Variants in MDN1 observed in about 807,000 individuals in gnomAD.
The protein encoded by MDN1 is midasin.
MDN1 carries 266 observed loss-of-function variants against 669.2 expected under a neutral mutation model. That is an observed-to-expected ratio of 0.40 (90% CI 0.36 to 0.44). MDN1 has a LOEUF of 0.44. Among genes scored for constraint, MDN1 ranks in the 20% least tolerant of loss-of-function variants. MDN1 has a pLI of 1.00. For synonymous variants in MDN1, 2,385 were observed against 2,457.1 expected (o/e 0.97, Z 0.87); for missense variants, 5,940 against 6,754.0 (o/e 0.88, Z 4.22).
At chr6:89,673,179 T>C in intron 80 of MDN1, 57 bp downstream of exon 80, 1 of 1,406,468 alleles carries the variant, frequency 7.1e-7, no homozygotes, top group Non-Finnish European at 1.0e-6. Context: ...GACTTACATC[T>C]ATAAGACATC....
At chr6:89,784,770 A>T (rs1488949214) in intron 9 of MDN1, among the ~76,000 whole-genome samples, 1 of 152,222 alleles carries the variant, frequency 6.6e-6, no homozygotes, top group African/African-American at 2.4e-5. Flanking sequence ...TATTGTGTAT[A>T]ATAATGTTAT....
chr6:89,745,158 AAGAGGAAGGAGG>A, intron 29 of MDN1, 103 bp downstream of exon 29: 3 of 1,176,930 alleles, frequency 2.5e-6, no homozygotes, highest in Admixed American at 2.9e-5. Flanking sequence ...AAAAAGAAAA[AAGAGGAAGGAGG>A]AAAGAAGGGG....
chr6:89,723,180 G>A lies in MDN1; in HGVS notation c.5779-37C>T, dbSNP rs766565488. On this transcript the variant is annotated intron_variant, in intron 39 of 101. Coordinates refer to ENST00000369393, the MANE Select transcript of MDN1 (RefSeq NM_014611.3). ...ACATCCTGATTGGGAAACATGCCCT[G>A]CTTACTACTAGGCACTGCATTAAGT... 1.7e-5 allele frequency: 27 copies of A among 1,588,034 alleles called. No individual in the cohort carries two copies. The South Asian group carries it at 2.3e-4, about 14-fold the overall frequency.
At chr6:89,799,870 G>C (rs928663303) in intron 2 of MDN1, among the ~76,000 whole-genome samples, 2 of 152,058 alleles carry the variant, frequency 1.3e-5, no homozygotes, top group Non-Finnish European at 2.9e-5. Flanking sequence ...TGTAATTTCC[G>C]ATGCAGTAAG....
intron 50 of MDN1, among the ~76,000 whole-genome samples, chr6:89,709,045 TAAGAAAACA>T (rs1813708904): frequency 2.0e-5 from 3 of 151,886 alleles, no homozygotes; most frequent in Middle Eastern, 6.8e-3. Flanking sequence ...CTGTTTTCAT[TAAGAAAACA>T]ATGCAGTTTT....
intron 33 of MDN1, among the ~76,000 whole-genome samples, chr6:89,738,109 T>C (rs755316350): frequency 4.6e-5 from 7 of 152,224 alleles, no homozygotes; most frequent in African/African-American, 9.6e-5. Context: ...AGCCATTGTG[T>C]CAAGTGGTAA....
chr6:89,673,402 C>A lies in MDN1; in HGVS notation c.13308G>T (p.Leu4436Phe), dbSNP rs1810965548. The change falls in exon 80 of 102, where the codon TTG becomes TTT. Residue 4436 changes from leucine (L) to phenylalanine (F), a missense_variant. Physicochemically the swap from Leu to Phe is conservative, Grantham distance 22 (BLOSUM62 0). Around this residue, in one of 5 missense-constraint regions of MDN1, gnomAD observed 2,280 missense variants for 2,576.3 expected, o/e 0.88. Coordinates refer to ENST00000369393, the MANE Select transcript of MDN1 (RefSeq NM_014611.3). Reference sequence around the variant, plus strand: ...GAATGAACAAGGACTCTAGGCCCTGCAAATGAACTGACACCTGGGACAAGC... The same window carrying A: ...GAATGAACAAGGACTCTAGGCCCTGAAAATGAACTGACACCTGGGACAAGC... ...LSCLSQVSVH[L>F]QGLESLFILP... 6.2e-7 allele frequency: 1 copy of A among 1,614,140 alleles called. No homozygotes were observed. Among genetic ancestry groups the A allele is most frequent in the African/African-American group, 1.3e-5 (1 of 75,020 alleles).
rs1398253442 is a variant in MDN1 at position 89,690,676 on chromosome 6, T to C, written c.10746A>G (p.Glu3582=). ...CACCCTGCCATCACTGCTCTACCTT[T>C]TCATGCAGGGGGAACTGTTTTCTGA... ...REFRKQFPLH[E]KDFADILVQP... Residue 3582 remains glutamate, a synonymous_variant, in exon 64 of 102, where the codon GAA becomes GAG. Coordinates refer to ENST00000369393, the MANE Select transcript of MDN1 (RefSeq NM_014611.3). 6.2e-7 allele frequency: 1 copy of C among 1,613,924 alleles called. No homozygotes were observed. The highest frequency in any genetic ancestry group is 1.3e-5 in the African/African-American group (1 of 74,914).
intron 8 of MDN1, among the ~76,000 whole-genome samples, chr6:89,787,589 T>G (rs1819033290): frequency 1.3e-5 from 2 of 151,956 alleles, no homozygotes; most frequent in African/African-American, 2.4e-5. Flanking sequence ...AACAATAACC[T>G]CACCTCTGAT....
rs755434875 is a variant in MDN1, at chr6:89,700,322, G to A, written c.8639-28C>T. On this transcript the variant is annotated intron_variant, in intron 56 of 101. Transcript: ENST00000369393. ...GGACAAAAAGACAAATGTTGTATGA[G>A]AGCACAATGGTTAAGAGTATAGCCT... The A allele has an allele frequency of 5.2e-6, 8 of 1,547,522 alleles. No homozygotes were observed. The Admixed American group carries it at 8.3e-5, about 16-fold the overall frequency.
intron 83 of MDN1, among the ~76,000 whole-genome samples, chr6:89,670,171 T>TATATATA (rs1491299915): frequency 6.2e-4 from 8 of 12,990 alleles, no homozygotes; most frequent in African/African-American, 1.6e-3. Flanking sequence ...TATATATATA[T>TATATATA]TTTTTTTTTT....
At chr6:89,746,488 A>G (rs1009511511) in intron 27 of MDN1, among the ~76,000 whole-genome samples, 9 of 151,846 alleles carry the variant, frequency 5.9e-5, no homozygotes, top group Admixed American at 2.0e-4. Context: ...AGGCTGAGGC[A>G]GGAGAACTGC....
rs200028527 is a variant in MDN1 at position 89,794,821 on chromosome 6, A to G, written c.330-20T>C. The G allele has an allele frequency of 5.6e-6, 9 of 1,596,334 alleles. No homozygotes were observed. The Admixed American group carries it at 1.2e-4, about 21-fold the overall frequency. On this transcript the variant is annotated intron_variant, in intron 2 of 101. Transcript: ENST00000369393. Reference sequence around the variant, plus strand: ...GCAAACCTTCAAACACAAAGAATACAGACATCCCCAACTTAACAATGGTTG... The same window carrying G: ...GCAAACCTTCAAACACAAAGAATACGGACATCCCCAACTTAACAATGGTTG...
At chr6:89,804,560 T>C (rs1767888010) in intron 1 of MDN1, among the ~76,000 whole-genome samples, 1 of 152,042 alleles carries the variant, frequency 6.6e-6, no homozygotes, top group African/African-American at 2.4e-5. Flanking sequence ...AAAAATGAAT[T>C]CTGCAGTTAG....
At chr6:89,688,292 G>GA (rs373392537) in intron 66 of MDN1, 119 bp from the exon 67 acceptor site, 28,933 of 726,230 alleles carry the variant, frequency 0.04, 48 homozygotes, top group East Asian at 0.073. Flanking sequence ...AAACACCTCT[G>GA]AAAAAAAAAA....
intron 69 of MDN1, among the ~76,000 whole-genome samples, chr6:89,686,638 G>A (rs141562302): frequency 2.3e-4 from 35 of 152,312 alleles, no homozygotes; most frequent in Non-Finnish European, 4.1e-4. Flanking sequence ...AGAGAAGACG[G>A]AAACCTTATC....
chr6:89,644,721 T>C (rs142318011), intron 101 of MDN1, among the ~76,000 whole-genome samples: 1 of 152,360 alleles, frequency 6.6e-6, no homozygotes, highest in East Asian at 1.9e-4. Flanking sequence ...AGGGAAATGA[T>C]GACCCACAGA....
chr6:89,705,779 G>C (rs1405509654), intron 53 of MDN1, among the ~76,000 whole-genome samples: 1 of 152,136 alleles, frequency 6.6e-6, no homozygotes, highest in African/African-American at 2.4e-5. Flanking sequence ...AACCTTTGGG[G>C]GTGATGGATA....
intron 31 of MDN1, among the ~76,000 whole-genome samples, chr6:89,740,595 AT>A (rs1816241650): frequency 6.6e-6 from 1 of 152,246 alleles, no homozygotes; most frequent in South Asian, 2.1e-4. Flanking sequence ...TTTTCAACTT[AT>A]AAACTATTAA....
Sources: gnomAD v4.1 joint callset for allele counts (sites outside exome capture counted in the v4.1 genomes callset) on GRCh38, gnomAD v4.1.1 for gene constraint, gnomAD v4.1.1 regional missense constraint, MANE v1.5 for transcripts, NCBI Gene and HGNC (gene_info 2026-07-23, HGNC 2026-07-21) for gene names.